Variants in ANKRD7 observed in about 807,000 individuals in gnomAD.
The protein encoded by ANKRD7 is ankyrin repeat domain 7, also known as ankyrin repeat domain-containing protein 7.
A neutral mutation model predicts 30.8 loss-of-function variants in ANKRD7; 30 were observed. That is an observed-to-expected ratio of 0.97 (90% CI 0.73 to 1.32). The LOEUF is 1.32. Among genes scored for constraint, ANKRD7 ranks in the 40% most tolerant of loss-of-function variants. The probability of loss-of-function intolerance (pLI) is 0.00; values close to 1 mark genes in which losing one functional copy is unlikely to be tolerated. For synonymous variants in ANKRD7, 97 were observed against 106.6 expected (o/e 0.91, Z 0.55); for missense variants, 264 against 295.7 (o/e 0.89, Z 0.79).
chr7:118,241,491 T>TAA (rs1333995525), intron 6 of ANKRD7, among the ~76,000 whole-genome samples: 2 of 141,802 alleles, frequency 1.4e-5, no homozygotes, highest in African/African-American at 2.6e-5. Context: ...TCCAGGTGAA[T>TAA]AAACTTAGGG....
intron 2 of ANKRD7, 67 bp downstream of exon 2, chr7:118,234,612 TTTCA>T (rs1361473078): frequency 4.0e-5 from 63 of 1,559,214 alleles, no homozygotes; most frequent in South Asian, 2.0e-4. Flanking sequence ...TTTGTTGATT[TTTCA>T]TGTTTTAAAA....
intron 6 of ANKRD7, 117 bp from the exon 7 acceptor site, chr7:118,242,232 A>G (rs1809859234): frequency 1.3e-5 from 2 of 152,242 alleles, no homozygotes; most frequent in African/African-American, 4.8e-5. Context: ...ACTATTAGAT[A>G]TAGAAATGCT....
chr7:118,241,845 A>G (rs78577961), intron 6 of ANKRD7, among the ~76,000 whole-genome samples: 2,489 of 151,984 alleles, frequency 0.016, 22 homozygotes, highest in Non-Finnish European at 0.027. Context: ...GGCCCTCTGA[A>G]TTACTCTTAA....
At chr7:118,225,834 C>T (rs1394824239) in intron 1 of ANKRD7, among the ~76,000 whole-genome samples, 1 of 152,102 alleles carries the variant, frequency 6.6e-6, no homozygotes, top group East Asian at 1.9e-4. Context: ...TCATTGCTAC[C>T]CATTACTTAT....
intron 1 of ANKRD7, 137 bp downstream of exon 1, chr7:118,225,146 T>C: frequency 3.0e-6 from 3 of 991,776 alleles, no homozygotes; most frequent in South Asian, 1.6e-5. Context: ...CTGGTAACCA[T>C]TGGCAGAGGG....
Position 118,234,417 on chromosome 7 carries a change from T to A in ANKRD7, c.180-14T>A. ...GACTTATCTCTAACTTTGTGTTTTG[T>A]TTTATTGACATAGAACACCTTTGCA... On this transcript the variant is annotated splice_polypyrimidine_tract_variant and intron_variant, in intron 1 of 6. Transcript: ENST00000265224. The A allele has an allele frequency of 6.5e-7, 1 of 1,541,332 alleles. No homozygotes were observed. Among genetic ancestry groups the A allele is most frequent in the Non-Finnish European group, 8.8e-7 (1 of 1,138,994 alleles).
intron 1 of ANKRD7, chr7:118,227,808 A>G (rs1809569883): frequency 2.6e-6 from 3 of 1,149,698 alleles, no homozygotes; most frequent in South Asian, 1.6e-5. Context: ...TTTTCAAGTC[A>G]TAGGGTATGA....
chr7:118,233,878 A>G (rs940816144), intron 1 of ANKRD7, among the ~76,000 whole-genome samples: 4 of 152,096 alleles, frequency 2.6e-5, no homozygotes, highest in Non-Finnish European at 4.4e-5. Context: ...GCTACCTAGA[A>G]TAGGGTTCTT....
At chr7:118,231,327 C>A (rs1266724556) in intron 1 of ANKRD7, among the ~76,000 whole-genome samples, 1 of 152,002 alleles carries the variant, frequency 6.6e-6, no homozygotes, top group African/African-American at 2.4e-5. Flanking sequence ...TAATGTCTCT[C>A]CTGCTATAAA....
At chr7:118,225,555 T>C (rs946495004) in intron 1 of ANKRD7, among the ~76,000 whole-genome samples, 36 of 152,176 alleles carry the variant, frequency 2.4e-4, no homozygotes, top group Middle Eastern at 3.4e-3. Flanking sequence ...CTCCTCTGAC[T>C]GGCTTAGTCT....
rs112590096 is a variant in ANKRD7, at chr7:118,239,206, C to T, written c.713-703C>T. ...TGAGCTGCAGGCCAGCAAGCAATGC[C>T]GCCTGAGCTCCGCCTCCTGTCAGAT... On this transcript the variant is annotated intron_variant, in intron 5 of 6. Transcript: ENST00000265224. Among the ~76,000 whole-genome samples, 446 of 152,268 alleles carry T rather than the reference C, an allele frequency of 2.9e-3. 2 individuals carry two copies. The highest frequency in any genetic ancestry group is 4.8e-3 in the Non-Finnish European group (329 of 68,014).
chr7:118,224,823 G>C lies in ANKRD7; in HGVS notation c.-8G>C. 6.2e-7 allele frequency: 1 copy of C among 1,609,922 alleles called. No individual in the cohort carries two copies. Among genetic ancestry groups the C allele is most frequent in the Non-Finnish European group, 8.5e-7 (1 of 1,178,668 alleles). ...TGGTCTGAGGGAAAGGCTGCAGCCTGCACCGCCATGAATAAGCTTTTCAGC... is the reference window on the plus strand; with the variant it reads ...TGGTCTGAGGGAAAGGCTGCAGCCTCCACCGCCATGAATAAGCTTTTCAGC... On this transcript the variant is annotated 5_prime_UTR_variant, in exon 1 of 7. Transcript: ENST00000265224.
intron 1 of ANKRD7, among the ~76,000 whole-genome samples, chr7:118,232,925 T>G (rs1809665375): frequency 6.6e-6 from 1 of 152,102 alleles, no homozygotes; most frequent in African/African-American, 2.4e-5. Context: ...CTGCAAGGGA[T>G]TATCTTTGGT....
chr7:118,241,300 C>A (rs1809837797), intron 6 of ANKRD7, among the ~76,000 whole-genome samples: 1 of 151,266 alleles, frequency 6.6e-6, no homozygotes, highest in East Asian at 1.9e-4. Context: ...TATTCACTAG[C>A]AAGCAGACTC....
At chr7:118,239,770 G>A in intron 5 of ANKRD7, 139 bp from the exon 6 acceptor site, 1 of 405,888 alleles carries the variant, frequency 2.5e-6, no homozygotes, top group Non-Finnish European at 4.4e-6. Context: ...GACAGAGTTG[G>A]CTCAAGAGGA....
rs776419798 is a variant in ANKRD7, at chr7:118,235,611, C to CAAA, written c.469-410_469-408dup. Among the ~76,000 whole-genome samples, 36 of 48,176 alleles carry CAAA rather than the reference C, an allele frequency of 7.5e-4. 1 individual carries two copies. Among genetic ancestry groups the CAAA allele is most frequent in the Admixed American group, 1.5e-3 (7 of 4,784 alleles). 31.6% of individuals were successfully genotyped at this position (48,176 alleles called of 152,430 possible). A position where few individuals can be genotyped will look rare whatever the true frequency, so the allele number is the denominator to read the frequency against. ...TGGGCAACAGAGCAAGACTCTGTCT[C>CAAA]AAAAAAAAAAAAAAAAAAAAAAGCG... On this transcript the variant is annotated intron_variant, in intron 3 of 6. Transcript: ENST00000265224.
chr7:118,235,945 G>C (rs1038570518), intron 3 of ANKRD7, 96 bp from the exon 4 acceptor site: 43 of 603,292 alleles, frequency 7.1e-5, no homozygotes, highest in Non-Finnish European at 9.9e-5. Context: ...TGTATATTCA[G>C]AAGTTCTTAT....
At chr7:118,228,775 A>G (rs1809585221) in intron 1 of ANKRD7, among the ~76,000 whole-genome samples, 1 of 152,162 alleles carries the variant, frequency 6.6e-6, no homozygotes. Context: ...TCTAACATCC[A>G]AGCATTTCTT....
At position 118,239,895 on chromosome 7, in the gene ANKRD7, A is replaced by C; in HGVS notation, c.713-14A>C. ...TCTATGCATGCTGGCATTCACACGTAATTTCCTTTATAGATAGATACCCAC... is the reference window on the plus strand; with the variant it reads ...TCTATGCATGCTGGCATTCACACGTCATTTCCTTTATAGATAGATACCCAC... On this transcript the variant is annotated splice_polypyrimidine_tract_variant and intron_variant, in intron 5 of 6. Transcript: ENST00000265224. The C allele has an allele frequency of 6.4e-7, 1 of 1,559,772 alleles. No homozygotes were observed. The highest frequency in any genetic ancestry group is 1.2e-5 in the South Asian group (1 of 85,988).
Sources: allele counts gnomAD v4.1 joint callset (sites outside exome capture counted in the v4.1 genomes callset), GRCh38; gene constraint gnomAD v4.1.1; transcripts MANE v1.5; gene names NCBI Gene and HGNC (gene_info 2026-07-23, HGNC 2026-07-21).